The following PARPBP variants were observed in gnomAD, a reference collection of about 807,000 sequenced individuals.
PARPBP encodes the protein PARP1 binding protein, also known as PCNA-interacting partner.
In PARPBP, 52 loss-of-function variants were observed where a neutral mutation model predicts 50.0. The observed-to-expected ratio is 1.04, with a 90% CI of 0.83 to 1.31. The LOEUF (loss-of-function observed/expected upper bound fraction) is 1.31, where lower values mean the gene tolerates loss of function less well. Ranked by LOEUF, PARPBP falls within the 50% of genes most tolerant of loss-of-function variation. PARPBP has a pLI of 0.00. For synonymous variants in PARPBP, 244 were observed against 232.1 expected (o/e 1.05, Z -0.47); for missense variants, 697 against 672.0 (o/e 1.04, Z -0.41).
At chr12:102,124,710 G>A (rs1375680392) in intron 2 of PARPBP, among the ~76,000 whole-genome samples, 1 of 152,208 alleles carries the variant, frequency 6.6e-6, no homozygotes, top group African/African-American at 2.4e-5. Context: ...AAAGATACTG[G>A]CTTGACTAGA....
Position 102,196,262 on chromosome 12 carries a change from G to T in PARPBP, c.1711G>T (p.Ala571Ser). ...CAAGGACAAGTTGATTTCTGGCCAGGCAAAGTTAACTCAGTTTTTTAGACT... is the reference window on the plus strand; with the variant it reads ...CAAGGACAAGTTGATTTCTGGCCAGTCAAAGTTAACTCAGTTTTTTAGACT... ...TAKDKLISGQ[A>S]KLTQFFRL Residue 571 changes from alanine to serine, a missense_variant, in exon 11 of 11, where the codon GCA becomes TCA. By Grantham distance (99) the Ala-to-Ser change is moderately conservative. Coordinates refer to ENST00000327680, the MANE Select transcript of PARPBP (RefSeq NM_017915.5). 1 of 1,594,854 alleles carries T rather than the reference G, an allele frequency of 6.3e-7. No individual in the cohort carries two copies. The highest frequency in any genetic ancestry group is 8.5e-7 in the Non-Finnish European group (1 of 1,172,908).
rs1436565858 is a variant in PARPBP, at chr12:102,175,578, C to T, written c.917C>T (p.Ala306Val). 2 of 1,613,112 alleles carry T rather than the reference C, an allele frequency of 1.2e-6. No homozygotes were observed. The highest frequency in any genetic ancestry group is 1.7e-6 in the Non-Finnish European group (2 of 1,179,306). Residue 306 changes from alanine (A) to valine (V), a missense_variant, in exon 7 of 11, where the codon GCT becomes GTT. Coordinates refer to ENST00000327680, the MANE Select transcript of PARPBP (RefSeq NM_017915.5). Reference sequence around the variant, plus strand: ...TTTTGCAAAGCAATAGAGGAAGTTGCTCAGGATTTGGATTTGAGGATTAAA... The same window carrying T: ...TTTTGCAAAGCAATAGAGGAAGTTGTTCAGGATTTGGATTTGAGGATTAAA... ...DPFCKAIEEV[A>V]QDLDLRIKNI...
chr12:102,135,770 T>G (rs1394280276), intron 2 of PARPBP, among the ~76,000 whole-genome samples: 1 of 152,238 alleles, frequency 6.6e-6, no homozygotes, highest in African/African-American at 2.4e-5. Flanking sequence ...GTGATCATCT[T>G]GCACCTGCTG....
At chr12:102,192,821 C>T (rs1890917623) in intron 9 of PARPBP, among the ~76,000 whole-genome samples, 1 of 151,540 alleles carries the variant, frequency 6.6e-6, no homozygotes, top group African/African-American at 2.4e-5. Flanking sequence ...GTGCTTGTCA[C>T]ATAGTTGGAA....
intron 6 of PARPBP, among the ~76,000 whole-genome samples, chr12:102,169,769 T>C (rs1489449724): frequency 2.0e-5 from 3 of 152,142 alleles, no homozygotes; most frequent in Non-Finnish European, 4.4e-5. Context: ...TTAAAACTTT[T>C]CAGTGATTCC....
At chr12:102,183,448 C>T (rs921334067) in intron 9 of PARPBP, among the ~76,000 whole-genome samples, 4 of 152,076 alleles carry the variant, frequency 2.6e-5, no homozygotes, top group Non-Finnish European at 5.9e-5. Context: ...GTTTCATCTA[C>T]ATACCCTATA....
At position 102,195,442 on chromosome 12, in the gene PARPBP, T is replaced by G. The variant is rs757534252; in HGVS notation, c.1394T>G (p.Leu465Arg). 3 of 1,584,530 alleles carry G rather than the reference T, an allele frequency of 1.9e-6. No individual in the cohort carries two copies. The highest frequency in any genetic ancestry group is 2.6e-6 in the Non-Finnish European group (3 of 1,162,394). ...PLCVLYMEND[L>R]SEGVNPSVGR... The stretch of plus-strand genomic sequence containing the variant: ...TGTGTTCTTTACATGGAAAATGACC[T>G]TTCTGGTAATTGACCTTATTTGTGC... The change falls in exon 10 of 11, where the codon CTT (leucine) becomes CGT (arginine). Residue 465 changes from leucine to arginine, a missense_variant. Coordinates refer to ENST00000327680, the MANE Select transcript of PARPBP (RefSeq NM_017915.5).
At chr12:102,182,471 AG>A in intron 8 of PARPBP, 77 bp from the exon 9 acceptor site, 1 of 966,286 alleles carries the variant, frequency 1.0e-6, no homozygotes, top group Non-Finnish European at 1.6e-6. Context: ...TTGGGAATTA[AG>A]TTTCAACGTG....
chr12:102,122,560 A>G (rs1565844055), intron 1 of PARPBP, among the ~76,000 whole-genome samples: 1 of 152,354 alleles, frequency 6.6e-6, no homozygotes, highest in East Asian at 1.9e-4. Context: ...TACTTAAAGT[A>G]GGAAAAAAAC....
In PARPBP at chr12:102,147,940, A is replaced by C. The variant is rs1423888593; in HGVS notation, c.154-290A>C. On this transcript the variant is annotated intron_variant, in intron 2 of 10. Coordinates refer to ENST00000327680, the MANE Select transcript of PARPBP (RefSeq NM_017915.5). Reference sequence around the variant, plus strand: ...CACCCATCCATCCATTTTGGGTAGAAGAAATTTGACGAATTTCAAGAAATG... The same window carrying C: ...CACCCATCCATCCATTTTGGGTAGACGAAATTTGACGAATTTCAAGAAATG... Among the ~76,000 whole-genome samples the C allele has an allele frequency of 1.3e-5, 2 of 152,150 alleles. 1 individual carries two copies. The highest frequency in any genetic ancestry group is 1.3e-4 in the Admixed American group (2 of 15,264).
At chr12:102,123,262 C>T (rs1420333555) in intron 1 of PARPBP, among the ~76,000 whole-genome samples, 1 of 152,180 alleles carries the variant, frequency 6.6e-6, no homozygotes, top group Non-Finnish European at 1.5e-5. Flanking sequence ...ACTGGAAACA[C>T]TCCTGAAATC....
At chr12:102,141,538 C>T (rs576349859) in intron 2 of PARPBP, among the ~76,000 whole-genome samples, 62 of 152,204 alleles carry the variant, frequency 4.1e-4, no homozygotes, top group African/African-American at 1.3e-3. Flanking sequence ...ATGATGTTAG[C>T]GGGTTATTTT....
At chr12:102,174,685 T>C (rs1318380488) in intron 6 of PARPBP, among the ~76,000 whole-genome samples, 1 of 152,208 alleles carries the variant, frequency 6.6e-6, no homozygotes, top group Admixed American at 6.5e-5. Context: ...AATCCTCTTC[T>C]ATTGGACACA....
chr12:102,188,134 G>A (rs1429364166), intron 9 of PARPBP, among the ~76,000 whole-genome samples: 5 of 152,130 alleles, frequency 3.3e-5, no homozygotes, highest in African/African-American at 1.2e-4. Flanking sequence ...CCTAAATGCA[G>A]TTATTTTTAC....
At chr12:102,192,411 A>ATT (rs1442569727) in intron 9 of PARPBP, among the ~76,000 whole-genome samples, 2 of 152,114 alleles carry the variant, frequency 1.3e-5, no homozygotes, top group African/African-American at 2.4e-5. Flanking sequence ...TACGGCCAGC[A>ATT]TTAGAAGCCA....
At chr12:102,184,476 A>G (rs890689866) in intron 9 of PARPBP, among the ~76,000 whole-genome samples, 1 of 152,334 alleles carries the variant, frequency 6.6e-6, no homozygotes, top group South Asian at 2.1e-4. Context: ...GGGAAATAGA[A>G]CAGAGATCAT....
chr12:102,158,254 G>GT (rs1887180375), intron 4 of PARPBP, among the ~76,000 whole-genome samples: 1 of 151,892 alleles, frequency 6.6e-6, no homozygotes, highest in Non-Finnish European at 1.5e-5. Context: ...AAATCTCAGG[G>GT]TAACTCCTCA....
intron 4 of PARPBP, among the ~76,000 whole-genome samples, 198 bp downstream of exon 4, chr12:102,154,174 A>G (rs1032616522): frequency 6.6e-6 from 1 of 152,228 alleles, no homozygotes; most frequent in African/African-American, 2.4e-5. Flanking sequence ...GTTTGGGGCC[A>G]AGGTAACAGG....
At chr12:102,138,710 A>G (rs1250859373) in intron 2 of PARPBP, among the ~76,000 whole-genome samples, 2 of 152,196 alleles carry the variant, frequency 1.3e-5, no homozygotes, top group Admixed American at 1.3e-4. Flanking sequence ...ACATATGGCT[A>G]GCCAGTTTTC....
Sources: gnomAD v4.1 joint callset for allele counts (sites outside exome capture counted in the v4.1 genomes callset) on GRCh38, gnomAD v4.1.1 for gene constraint, MANE v1.5 for transcripts, NCBI Gene and HGNC (gene_info 2026-07-23, HGNC 2026-07-21) for gene names.